CSMD1: variants seen among roughly 807,000 people sequenced by gnomAD.
CSMD1 encodes the protein CUB and Sushi multiple domains 1.
Under a neutral mutation model 417.5 loss-of-function variants are expected in CSMD1, and 213 were observed. The ratio of observed to expected loss-of-function variants is 0.51; its 90% CI spans 0.46 to 0.57. The LOEUF is 0.57. Ranked by LOEUF, CSMD1 falls within the 20% of genes least tolerant of loss-of-function variation. The pLI, the probability that CSMD1 is intolerant of heterozygous loss-of-function variation, is 0.00. For synonymous variants in CSMD1, 2,862 were observed against 1,736.8 expected (o/e 1.65, Z -16.11); for missense variants, 6,923 against 4,529.7 (o/e 1.53, Z -15.17).
intron 3 of CSMD1, among the ~76,000 whole-genome samples, chr8:4,291,713 C>G (rs574789977): frequency 1.4e-3 from 219 of 152,076 alleles, no homozygotes; most frequent in African/African-American, 5.1e-3. Flanking sequence ...ATTCATAAAC[C>G]CAGTCTAATC....
chr8:3,227,678 T>C (rs996725163), intron 27 of CSMD1, among the ~76,000 whole-genome samples: 4 of 152,006 alleles, frequency 2.6e-5, no homozygotes, highest in Non-Finnish European at 4.4e-5. Flanking sequence ...AGAAAATACA[T>C]AGTAACACAA....
At chr8:4,787,481 T>A (rs1356881765) in intron 1 of CSMD1, 1 of 856,222 alleles carries the variant, frequency 1.2e-6, no homozygotes. Context: ...AGCTGCAATC[T>A]CAAAGAAAAT....
chr8:4,333,026 T>A (rs539814331), intron 3 of CSMD1, among the ~76,000 whole-genome samples: 2 of 152,088 alleles, frequency 1.3e-5, no homozygotes, highest in South Asian at 4.2e-4. Flanking sequence ...GTATTTCTCA[T>A]CCCACACACA....
Position 3,199,718 on chromosome 8 carries a change from A to C in CSMD1, c.5190T>G (p.Tyr1730Ter), listed in dbSNP as rs1232545922. The C allele has an allele frequency of 6.3e-7, 1 of 1,581,744 alleles. No homozygotes were observed. The highest frequency in any genetic ancestry group is 8.6e-7 in the Non-Finnish European group (1 of 1,162,844). Residue 1730 changes from tyrosine to a stop codon, truncating the protein, a stop_gained, in exon 33 of 70, where the codon TAT (tyrosine) becomes TAG (stop). Transcript: ENST00000635120. LOFTEE classifies it high-confidence loss of function. ...GACATGTGGAGTGACGCTTACCTTG[A>C]TACACGAAGTGGAAGCCGCGGGCAG... ...GASARGFHFV[Y>*]QAVPRTSDTQ...
chr8:4,088,631 G>A (rs1179118395), intron 3 of CSMD1, among the ~76,000 whole-genome samples: 1 of 151,052 alleles, frequency 6.6e-6, no homozygotes, highest in East Asian at 1.9e-4. Context: ...CAACCAGGTT[G>A]AGAGTAAAGC....
At chr8:3,207,337 T>A (rs1198501638) in intron 30 of CSMD1, among the ~76,000 whole-genome samples, 5 of 150,486 alleles carry the variant, frequency 3.3e-5, no homozygotes, top group South Asian at 4.3e-4. Flanking sequence ...TCATCTTTAA[T>A]AGATATGATG....
chr8:3,843,471 T>C (rs1803265655), intron 5 of CSMD1, among the ~76,000 whole-genome samples: 2 of 152,120 alleles, frequency 1.3e-5, no homozygotes, highest in African/African-American at 4.8e-5. Context: ...AATGACAAAT[T>C]ACACTCGGAC....
chr8:4,143,510 G>C (rs988640808), intron 3 of CSMD1, among the ~76,000 whole-genome samples: 1 of 150,634 alleles, frequency 6.6e-6, no homozygotes, highest in Admixed American at 6.6e-5. Context: ...AACTAAAGAA[G>C]AAGTTGATAT....
At chr8:3,850,623 G>A (rs1374595769) in intron 5 of CSMD1, among the ~76,000 whole-genome samples, 1 of 152,056 alleles carries the variant, frequency 6.6e-6, no homozygotes, top group Non-Finnish European at 1.5e-5. Flanking sequence ...TGAACCTGGG[G>A]GGCGGAGGTT....
intron 3 of CSMD1, among the ~76,000 whole-genome samples, chr8:4,180,962 T>C (rs1342925190): frequency 6.6e-6 from 1 of 152,166 alleles, no homozygotes; most frequent in Non-Finnish European, 1.5e-5. Context: ...CCGGGGATGA[T>C]GCTGTGATAA....
chr8:4,012,856 C>T (rs914417518), intron 4 of CSMD1, among the ~76,000 whole-genome samples: 1 of 152,104 alleles, frequency 6.6e-6, no homozygotes, highest in Non-Finnish European at 1.5e-5. Context: ...CGGTGCCATC[C>T]ATGACTCTTC....
At chr8:4,600,559 C>A (rs1045827058) in intron 2 of CSMD1, among the ~76,000 whole-genome samples, 1 of 152,112 alleles carries the variant, frequency 6.6e-6, no homozygotes, top group Non-Finnish European at 1.5e-5. Flanking sequence ...ATAACTATTT[C>A]CTGATGTGCT....
intron 6 of CSMD1, among the ~76,000 whole-genome samples, chr8:3,725,027 G>C (rs12676824): frequency 0.69 from 104,640 of 152,152 alleles, 37,310 homozygotes; most frequent in South Asian, 0.82. Flanking sequence ...ATTCTGGGAA[G>C]AGGCCCATTA....
chr8:3,150,802 C>A (rs1439906801), intron 40 of CSMD1, among the ~76,000 whole-genome samples: 1 of 151,924 alleles, frequency 6.6e-6, no homozygotes, highest in Non-Finnish European at 1.5e-5. Context: ...TTCACAAAGA[C>A]CATGCATTTC....
intron 18 of CSMD1, among the ~76,000 whole-genome samples, chr8:3,375,557 T>C (rs1041665202): frequency 6.6e-6 from 1 of 152,114 alleles, no homozygotes; most frequent in Non-Finnish European, 1.5e-5. Context: ...ATACATTATA[T>C]ATATTTTTAT....
chr8:4,825,796 G>A (rs78815583), intron 1 of CSMD1, among the ~76,000 whole-genome samples: 57 of 134,830 alleles, frequency 4.2e-4, no homozygotes, highest in Admixed American at 8.4e-4. Flanking sequence ...AAAAAAAAAA[G>A]AAAAAAAAAA....
intron 3 of CSMD1, among the ~76,000 whole-genome samples, chr8:4,148,415 G>A (rs760028892): frequency 5.9e-5 from 9 of 151,936 alleles, no homozygotes; most frequent in East Asian, 1.9e-4. Context: ...TATACCTAAT[G>A]TTAAATGATG....
chr8:4,002,112 CA>C (rs969209704), intron 4 of CSMD1, among the ~76,000 whole-genome samples: 5 of 151,912 alleles, frequency 3.3e-5, no homozygotes, highest in African/African-American at 4.8e-5. Flanking sequence ...ATAAGACAAA[CA>C]AAAAAACTTC....
intron 6 of CSMD1, among the ~76,000 whole-genome samples, chr8:3,723,199 G>A (rs1454427830): frequency 6.6e-6 from 1 of 152,156 alleles, no homozygotes; most frequent in Non-Finnish European, 1.5e-5. Context: ...ACTCAGGGAA[G>A]CTTGTGGCCA....
Sources: gnomAD v4.1 joint callset for allele counts (sites outside exome capture counted in the v4.1 genomes callset) on GRCh38, gnomAD v4.1.1 for gene constraint, MANE v1.5 for transcripts, NCBI Gene and HGNC (gene_info 2026-07-23, HGNC 2026-07-21) for gene names.